The following ZNF799 variants were observed in gnomAD, a reference collection of about 807,000 sequenced individuals.
The protein encoded by ZNF799 is zinc finger protein 14.
A neutral mutation model predicts 41.0 loss-of-function variants in ZNF799; 28 were observed. The ratio of observed to expected loss-of-function variants is 0.68; its 90% confidence interval spans 0.51 to 0.94. The LOEUF (loss-of-function observed/expected upper bound fraction) is 0.94, where lower values mean the gene tolerates loss of function less well. Ranked by LOEUF, ZNF799 falls within the 40% of genes least tolerant of loss-of-function variation. The probability of loss-of-function intolerance (pLI) is 0.00; values close to 1 mark genes in which losing one functional copy is unlikely to be tolerated. For missense variants in ZNF799, 716 were observed against 764.3 expected (o/e 0.94, Z 0.74); for synonymous variants, 213 against 252.9 (o/e 0.84, Z 1.50).
upstream of ZNF799, among the ~76,000 whole-genome samples, chr19:12,403,667 C>G (rs1054742565): frequency 3.3e-5 from 5 of 152,060 alleles, no homozygotes; most frequent in African/African-American, 9.7e-5. Context: ...ATTCTCCTGC[C>G]TCAGCCTCCC....
Position 12,392,068 on chromosome 19 carries a change from T to C in ZNF799, c.330A>G (p.Glu110=), listed in dbSNP as rs757628614. ...VGPYESRMSG[E]VIMGHSSLNC... is the part of the protein sequence containing the mutation. ...TAAGGGATGAATGACCCATGATGAC[T>C]TCTCCACTCATACGGCTTTCATATG... Residue 110 remains glutamate (E), a synonymous_variant, in exon 4 of 4, where the codon GAA becomes GAG. Coordinates refer to ENST00000430385, the MANE Select transcript of ZNF799 (RefSeq NM_001080821.3). 6.2e-7 allele frequency: 1 copy of C among 1,614,222 alleles called. No homozygotes were observed. Among genetic ancestry groups the C allele is most frequent in the Non-Finnish European group, 8.5e-7 (1 of 1,180,024 alleles).
chr19:12,394,010 G>A (rs1246553276), intron 1 of ZNF799: 1 of 154,224 alleles, frequency 6.5e-6, no homozygotes, highest in Non-Finnish European at 1.4e-5. Flanking sequence ...ATCAGCCACT[G>A]CTAGGTTTGA....
rs1316434513 is a variant in ZNF799 at position 12,391,343 on chromosome 19, A to C, written c.1055T>G (p.Leu352Arg). 1.9e-6 allele frequency: 3 copies of C among 1,613,964 alleles called. No individual in the cohort carries two copies. Among genetic ancestry groups the C allele is most frequent in the Non-Finnish European group, 2.5e-6 (3 of 1,179,996 alleles). Residue 352 changes from leucine to arginine, a missense_variant, in exon 4 of 4, where the codon CTG becomes CGG. Physicochemically the swap from Leu to Arg is moderately radical, Grantham distance 102 (BLOSUM62 -2). This residue lies in a region of ZNF799 where 698 missense variants were observed against 713.6 expected (regional missense o/e 0.98). Coordinates refer to ENST00000430385, the MANE Select transcript of ZNF799 (RefSeq NM_001080821.3). ...AGTGTGAGTTCTTTCATGACTTTTC[A>C]GTGAACTAGGACAATCAAAGCCTTT... ...CGKGFDCPSS[L>R]KSHERTHTGE...
intron 1 of ZNF799, among the ~76,000 whole-genome samples, chr19:12,397,564 C>CAA (rs1163640631): frequency 1.8e-4 from 12 of 65,508 alleles, no homozygotes; most frequent in African/African-American, 4.3e-4. Flanking sequence ...GACCCTGTCT[C>CAA]AAAAAAAAAA....
chr19:12,398,258 CAAAAAAA>C (rs59451897), intron 1 of ZNF799: 38 of 75,486 alleles, frequency 5.0e-4, no homozygotes, highest in Non-Finnish European at 8.3e-4. Flanking sequence ...GACGCTGTCT[CAAAAAAA>C]AAAAAAAAAA....
At chr19:12,402,473 A>C (rs2144914881), upstream of ZNF799, among the ~76,000 whole-genome samples, 1 of 139,610 alleles carries the variant, frequency 7.2e-6, no homozygotes, top group Admixed American at 7.7e-5. Flanking sequence ...TACTGTGCTG[A>C]ACAACAGTGG....
chr19:12,402,298 C>T (rs1970000655), upstream of ZNF799, among the ~76,000 whole-genome samples: 3 of 151,998 alleles, frequency 2.0e-5, no homozygotes, highest in Non-Finnish European at 1.5e-5. Context: ...ATTTATTTCT[C>T]AGTTCTAATA....
In ZNF799 at chr19:12,391,122, A is replaced by G. The variant is rs769859128; in HGVS notation, c.1276T>C (p.Cys426Arg). Residue 426 changes from cysteine (C) to arginine (R), a missense_variant, in exon 4 of 4, where the codon TGT becomes CGT. Physicochemically the swap from Cys to Arg is radical, Grantham distance 180 (BLOSUM62 -3). This residue lies in a region of ZNF799 where 698 missense variants were observed against 713.6 expected (regional missense o/e 0.98). Coordinates refer to ENST00000430385, the MANE Select transcript of ZNF799 (RefSeq NM_001080821.3). ...CTGGAAATACGGTAGGCTTTGCCAC[A>G]TTGTTTACATTTATAGGGTTTCTCT... Reference protein sequence around the residue: ...TAEKPYKCKQCGKAYRISSSL... With the variant: ...TAEKPYKCKQRGKAYRISSSL... The G allele has an allele frequency of 1.2e-6, 2 of 1,614,042 alleles. No individual in the cohort carries two copies. The highest frequency in any genetic ancestry group is 1.1e-5 in the South Asian group (1 of 91,092).
At chr19:12,393,709 A>G in intron 1 of ZNF799, 1 of 1,224,884 alleles carries the variant, frequency 8.2e-7, no homozygotes, top group East Asian at 3.6e-5. Context: ...GTTGATTTCC[A>G]CAGTGGGTCT....
chr19:12,394,672 G>A, intron 1 of ZNF799: 1 of 985,100 alleles, frequency 1.0e-6, no homozygotes, highest in Non-Finnish European at 1.2e-6. Context: ...AGAAAGAAGG[G>A]GAAAGACTGC....
chr19:12,401,176 A>G lies in ZNF799; in HGVS notation c.-106T>C. ...GGAACTTCCAGGTCGTCTCTTAGCT[A>G]CAGAGCCGAGCACCGAGCGCCCAGC... is the stretch of plus-strand genomic sequence containing the variant. On this transcript the variant is annotated 5_prime_UTR_variant, in exon 1 of 4. Coordinates refer to ENST00000430385, the MANE Select transcript of ZNF799 (RefSeq NM_001080821.3). 1 of 1,598,972 alleles carries G rather than the reference A, an allele frequency of 6.3e-7. No individual in the cohort carries two copies. Among genetic ancestry groups the G allele is most frequent in the Middle Eastern group, 1.7e-4 (1 of 6,036 alleles).
Position 12,401,149 on chromosome 19 carries a change from A to C in ZNF799, c.-79T>G, listed in dbSNP as rs1969978365. On this transcript the variant is annotated 5_prime_UTR_variant, in exon 1 of 4. Coordinates refer to ENST00000430385, the MANE Select transcript of ZNF799 (RefSeq NM_001080821.3). ...GGGTTCCCGCGGGACACAGGCTGCCACGGAACTTCCAGGTCGTCTCTTAGC... is the reference window on the plus strand; with the variant it reads ...GGGTTCCCGCGGGACACAGGCTGCCCCGGAACTTCCAGGTCGTCTCTTAGC... The C allele has an allele frequency of 6.2e-7, 1 of 1,610,820 alleles. No homozygotes were observed. The highest frequency in any genetic ancestry group is 1.3e-5 in the African/African-American group (1 of 74,910).
At chr19:12,400,265 C>T (rs1283396850) in intron 1 of ZNF799, 1 of 152,270 alleles carries the variant, frequency 6.6e-6, no homozygotes, top group Admixed American at 6.5e-5. Context: ...CACACACAAA[C>T]CCCACACACG....
the ZNF799 span, among the ~76,000 whole-genome samples, chr19:12,411,368 T>G: frequency 6.6e-6 from 1 of 151,904 alleles, no homozygotes; most frequent in African/African-American, 2.4e-5. Context: ...CAATGGAAAA[T>G]AGCCAATTCT....
At chr19:12,400,767 C>A (rs1969967441) in intron 1 of ZNF799, 2 of 562,772 alleles carry the variant, frequency 3.6e-6, no homozygotes, top group South Asian at 4.2e-5. Flanking sequence ...TGCAGTGAGT[C>A]GGGCCGCGAA....
chr19:12,406,588 AG>A, the ZNF799 span, among the ~76,000 whole-genome samples: 2 of 151,860 alleles, frequency 1.3e-5, no homozygotes, highest in Non-Finnish European at 2.9e-5. Context: ...AAACAGATGT[AG>A]GGATAAAATA....
chr19:12,414,819 C>G, the ZNF799 span, among the ~76,000 whole-genome samples: 21 of 152,252 alleles, frequency 1.4e-4, no homozygotes, highest in African/African-American at 4.3e-4. Flanking sequence ...GATTCCCAAG[C>G]TTAGGAGCCA....
chr19:12,397,366 G>A (rs1020428348), intron 1 of ZNF799, among the ~76,000 whole-genome samples: 1 of 151,312 alleles, frequency 6.6e-6, no homozygotes, highest in Non-Finnish European at 1.5e-5. Context: ...TCCACACTCG[G>A]CAACACAATG....
In ZNF799 at chr19:12,390,564, T is replaced by C. The variant is rs760023764; in HGVS notation, c.1834A>G (p.Lys612Glu). The stretch of plus-strand genomic sequence containing the variant: ...GGGTTCTCTCCAGTGTGAGTTTTTT[T>C]CCAGTGAGTCTTTTTATGTCTATGC... ...SLHRHKKTHW[K>E]KTHTGENPYG... is the part of the protein sequence containing the mutation. The change falls in exon 4 of 4, where the codon AAA becomes GAA. Residue 612 changes from lysine to glutamate, a missense_variant. Around this residue, in one of 2 missense-constraint regions of ZNF799, gnomAD observed 698 missense variants for 713.6 expected, o/e 0.98. Transcript: ENST00000430385. 1 of 1,608,762 alleles carries C rather than the reference T, an allele frequency of 6.2e-7. No individual in the cohort carries two copies. Among genetic ancestry groups the C allele is most frequent in the South Asian group, 1.1e-5 (1 of 90,726 alleles).
Sources: gnomAD v4.1 joint callset for allele counts (sites outside exome capture counted in the v4.1 genomes callset) on GRCh38, gnomAD v4.1.1 for gene constraint, gnomAD v4.1.1 regional missense constraint, MANE v1.5 for transcripts, NCBI Gene and HGNC (gene_info 2026-07-23, HGNC 2026-07-21) for gene names.